Variants in UNC45B observed in about 807,000 individuals in gnomAD.
The protein encoded by UNC45B is unc-45 myosin chaperone B, also known as protein unc-45 homolog B.
A neutral mutation model predicts 98.7 loss-of-function variants in UNC45B; 78 were observed. The observed-to-expected ratio is 0.79, with a 90% CI of 0.66 to 0.95. UNC45B has a LOEUF of 0.95. UNC45B is among the 40% of genes least tolerant of loss of function. UNC45B has a pLI of 0.00. For missense variants in UNC45B, 1,225 were observed against 1,184.9 expected (o/e 1.03, Z -0.50); for synonymous variants, 462 against 480.4 (o/e 0.96, Z 0.50).
intron 2 of UNC45B, 143 bp downstream of exon 2, chr17:35,148,574 C>T: frequency 1.1e-5 from 10 of 946,428 alleles, no homozygotes; most frequent in Non-Finnish European, 1.5e-5. Context: ...GTGCCTCCAA[C>T]CCCCTGACCC....
In UNC45B at chr17:35,155,260, C is replaced by T. The variant is rs776728386; in HGVS notation, c.640-36C>T. 13 of 1,606,544 alleles carry T rather than the reference C, an allele frequency of 8.1e-6. No individual in the cohort carries two copies. In the South Asian group the frequency reaches 1.3e-4, roughly 16 times the overall value. On this transcript the variant is annotated intron_variant, in intron 6 of 19. Coordinates refer to ENST00000394570, the MANE Select transcript of UNC45B (RefSeq NM_001267052.2). ...CTGCATGGCAGCTAGAAGGGAGGGG[C>T]AAGGCAGCTGACCATGGTTCTTGCT...
At chr17:35,159,783 G>A (rs1326724751) in intron 8 of UNC45B, among the ~76,000 whole-genome samples, 2 of 152,128 alleles carry the variant, frequency 1.3e-5, no homozygotes, top group Non-Finnish European at 2.9e-5. Context: ...AAAACATGTG[G>A]GTGAAGCAAC....
chr17:35,156,290 A>G (rs1173260293), intron 7 of UNC45B, among the ~76,000 whole-genome samples: 1 of 152,168 alleles, frequency 6.6e-6, no homozygotes, highest in Non-Finnish European at 1.5e-5. Context: ...TGTTTGCACA[A>G]TGATGTGAAT....
At position 35,171,477 on chromosome 17, in the gene UNC45B, G is replaced by T; in HGVS notation, c.1830+15G>T. 6.2e-7 allele frequency: 1 copy of T among 1,613,062 alleles called. No individual in the cohort carries two copies. Among genetic ancestry groups the T allele is most frequent in the Non-Finnish European group, 8.5e-7 (1 of 1,179,454 alleles). On this transcript the variant is annotated intron_variant, in intron 13 of 19. Coordinates refer to ENST00000394570, the MANE Select transcript of UNC45B (RefSeq NM_001267052.2). ...AACACCCCAAGGTAGGGTCAGGCGCGACCCGGGAGGGGTCTGGTCTGTGCC... is the reference window on the plus strand; with the variant it reads ...AACACCCCAAGGTAGGGTCAGGCGCTACCCGGGAGGGGTCTGGTCTGTGCC...
rs141724962 is a variant in UNC45B at position 35,152,896 on chromosome 17, C to T, written c.385C>T (p.Arg129Ter). Residue 129 changes from arginine to a stop codon, truncating the protein, a stop_gained, in exon 5 of 20, where the codon CGA becomes TGA. Coordinates refer to ENST00000394570, the MANE Select transcript of UNC45B (RefSeq NM_001267052.2). LOFTEE classifies it high-confidence loss of function. ...CCACTCCCTCCTCTCTCCTCAGCTC[C>T]GAGTGCAGTTCTCCACAGACTCGAG... ...RLNTSIQEKL[R>*]VQFSTDSRVQ... 10 of 1,613,950 alleles carry T rather than the reference C, an allele frequency of 6.2e-6. No individual in the cohort carries two copies. Among genetic ancestry groups the T allele is most frequent in the African/African-American group, 2.7e-5 (2 of 75,022 alleles).
In UNC45B at chr17:35,170,134, T is replaced by C. The variant is rs759999154; in HGVS notation, c.1568T>C (p.Ile523Thr). 1.3e-5 allele frequency: 21 copies of C among 1,612,840 alleles called. No individual in the cohort carries two copies. The South Asian group carries it at 1.9e-4, about 14-fold the overall frequency. The change falls in exon 12 of 20, where the codon ATA becomes ACA. Residue 523 changes from isoleucine to threonine, a missense_variant. Coordinates refer to ENST00000394570, the MANE Select transcript of UNC45B (RefSeq NM_001267052.2). The part of the protein sequence containing the change: ...QCRKWLCNMS[I>T]DTRTRRWAVE... ...TCCAGGTGGCTGTGCAATATGTCCATAGACACTCGGACCCGACGCTGGGCA... is the reference window on the plus strand; with the variant it reads ...TCCAGGTGGCTGTGCAATATGTCCACAGACACTCGGACCCGACGCTGGGCA...
intron 10 of UNC45B, among the ~76,000 whole-genome samples, chr17:35,168,962 C>G (rs1196337442): frequency 6.6e-6 from 1 of 151,992 alleles, no homozygotes; most frequent in Non-Finnish European, 1.5e-5. Context: ...CCCCCTGGGC[C>G]TCCCAAAGTG....
At chr17:35,159,319 A>T in intron 7 of UNC45B, 56 bp from the exon 8 acceptor site, 1 of 1,500,306 alleles carries the variant, frequency 6.7e-7, no homozygotes, top group East Asian at 2.3e-5. Context: ...CTTCTTGGTC[A>T]TATATATGTG....
chr17:35,158,313 T>C (rs2092078041), intron 7 of UNC45B, among the ~76,000 whole-genome samples: 1 of 152,228 alleles, frequency 6.6e-6, no homozygotes, highest in Non-Finnish European at 1.5e-5. Context: ...AATGTTGACC[T>C]TGTGGCCTTG....
At chr17:35,185,372 A>G (rs1400246486) in intron 19 of UNC45B, among the ~76,000 whole-genome samples, 2 of 151,900 alleles carry the variant, frequency 1.3e-5, no homozygotes, top group Admixed American at 1.3e-4. Flanking sequence ...CAGTGGTACA[A>G]TCTTGGCTCA....
chr17:35,168,857 C>T (rs1261080052), intron 10 of UNC45B, among the ~76,000 whole-genome samples: 2 of 152,100 alleles, frequency 1.3e-5, no homozygotes, highest in African/African-American at 2.4e-5. Context: ...CAGACGTGTG[C>T]CACCACACTC....
intron 14 of UNC45B, 26 bp downstream of exon 14, chr17:35,174,395 G>A: frequency 6.2e-7 from 1 of 1,613,812 alleles, no homozygotes; most frequent in Admixed American, 1.7e-5. Flanking sequence ...GCCAAGGCTT[G>A]GAACTAGGGC....
intron 9 of UNC45B, among the ~76,000 whole-genome samples, chr17:35,167,659 C>T (rs115550147): frequency 0.01 from 1,535 of 151,832 alleles, 37 homozygotes; most frequent in African/African-American, 0.034. Flanking sequence ...TAACTTGGAA[C>T]AACTGTGAAG....
intron 9 of UNC45B, among the ~76,000 whole-genome samples, chr17:35,165,509 G>A (rs868774761): frequency 7.2e-5 from 11 of 152,330 alleles, no homozygotes; most frequent in Middle Eastern, 3.4e-3. Flanking sequence ...GGGTGAAGAC[G>A]TTGCCTTTAC....
At chr17:35,160,797 G>C (rs2092097626) in intron 8 of UNC45B, among the ~76,000 whole-genome samples, 1 of 152,164 alleles carries the variant, frequency 6.6e-6, no homozygotes, top group African/African-American at 2.4e-5. Context: ...TCAGCTCCGA[G>C]GTGTTACCCC....
intron 10 of UNC45B, 37 bp from the exon 11 acceptor site, chr17:35,169,800 G>T (rs371930040): frequency 1.3e-6 from 2 of 1,591,652 alleles, no homozygotes; most frequent in Non-Finnish European, 1.7e-6. Flanking sequence ...TGGTGTCTCT[G>T]ATCCTGCATG....
Position 35,180,629 on chromosome 17 carries a change from C to A in UNC45B, c.2326C>A (p.Arg776=). 6 of 1,613,664 alleles carry A rather than the reference C, an allele frequency of 3.7e-6. No homozygotes were observed. Among genetic ancestry groups the A allele is most frequent in the East Asian group, 2.2e-5 (1 of 44,834 alleles). ...NYMFENHDQL[R]QAATECMCNM... is the part of the protein sequence containing the mutation. ...CATGTTTGAGAATCATGATCAGCTG[C>A]GGCAGGCGGCCACCGAGTGCATGTG... The change falls in exon 18 of 20, where the codon CGG becomes AGG. Residue 776 remains arginine, a synonymous_variant. Transcript: ENST00000394570.
At chr17:35,158,181 G>C (rs1186033295) in intron 7 of UNC45B, among the ~76,000 whole-genome samples, 1 of 152,216 alleles carries the variant, frequency 6.6e-6, no homozygotes, top group Non-Finnish European at 1.5e-5. Context: ...TGAAGTCCTG[G>C]ATTCTTGATG....
In UNC45B at chr17:35,159,355, C is replaced by T. The variant is rs80143948; in HGVS notation, c.809-20C>T. On this transcript the variant is annotated intron_variant, in intron 7 of 19. Transcript: ENST00000394570. ...AGATTTCCTACCCCTCTCTACTTAC[C>T]CCGTCCTCTTTTTCTTCAGACACCA... 3,685 of 1,605,820 alleles carry T rather than the reference C, an allele frequency of 2.3e-3. 52 individuals are homozygous for T. In the East Asian group the frequency reaches 0.034, roughly 15 times the overall value.
Sources: allele counts gnomAD v4.1 joint callset (sites outside exome capture counted in the v4.1 genomes callset), GRCh38; gene constraint gnomAD v4.1.1; transcripts MANE v1.5; gene names NCBI Gene and HGNC (gene_info 2026-07-23, HGNC 2026-07-21).